The following ST3GAL3 variants were observed in gnomAD, a reference collection of about 807,000 sequenced individuals.
ST3GAL3 encodes the protein ST3 beta-galactoside alpha-2,3-sialyltransferase 3.
In ST3GAL3, 21 loss-of-function variants were observed where a neutral mutation model predicts 50.1. The ratio of observed to expected loss-of-function variants is 0.42; its 90% CI spans 0.30 to 0.60. ST3GAL3 has a LOEUF of 0.60. ST3GAL3 is among the 20% of genes least tolerant of loss of function. The pLI is 0.19. For synonymous variants in ST3GAL3, 183 were observed against 190.0 expected (o/e 0.96, Z 0.30); for missense variants, 353 against 489.4 (o/e 0.72, Z 2.63).
intron 5 of ST3GAL3, among the ~76,000 whole-genome samples, chr1:43,872,655 C>A (rs907040098): frequency 7.2e-5 from 11 of 152,126 alleles, no homozygotes; most frequent in Non-Finnish European, 4.4e-5. Context: ...GTACACTGCT[C>A]TTGTACTGGA....
intron 1 of ST3GAL3, among the ~76,000 whole-genome samples, chr1:43,726,132 A>C (rs1672812486): frequency 6.6e-6 from 1 of 152,146 alleles, no homozygotes; most frequent in Non-Finnish European, 1.5e-5. Context: ...TCTTATTTAC[A>C]AAAGAGTTGT....
At chr1:43,803,707 A>G (rs1238629568) in intron 3 of ST3GAL3, among the ~76,000 whole-genome samples, 1 of 152,248 alleles carries the variant, frequency 6.6e-6, no homozygotes. Flanking sequence ...ATCTTTTGCT[A>G]TGACATCTAG....
chr1:43,897,497 G>T (rs2154269357), intron 6 of ST3GAL3, among the ~76,000 whole-genome samples: 1 of 152,278 alleles, frequency 6.6e-6, no homozygotes, highest in East Asian at 1.9e-4. Context: ...ATATTATAGT[G>T]CTCTCATGAT....
chr1:43,770,700 G>A (rs1425213617), intron 2 of ST3GAL3, among the ~76,000 whole-genome samples: 2 of 152,116 alleles, frequency 1.3e-5, no homozygotes, highest in African/African-American at 4.8e-5. Flanking sequence ...TTGGATAGTT[G>A]TTGATTGACT....
chr1:43,738,630 C>T (rs11210911), intron 2 of ST3GAL3: 51,804 of 151,760 alleles, frequency 0.34, 9,841 homozygotes, highest in East Asian at 0.53. Flanking sequence ...TCGAAGTAGC[C>T]GGGACCACAG....
Position 43,918,119 on chromosome 1 carries a change from C to CTCTTTTTT in ST3GAL3, c.745-2284_745-2283insCTTTTTTT, listed in dbSNP as rs56052310. Among the ~76,000 whole-genome samples, 618 of 133,886 alleles carry CTCTTTTTT rather than the reference C, an allele frequency of 4.6e-3. 35 individuals carry two copies. Among genetic ancestry groups the CTCTTTTTT allele is most frequent in the South Asian group, 0.014 (63 of 4,464 alleles). 87.8% of individuals were successfully genotyped at this position (133,886 alleles called of 152,430 possible). A position where few individuals can be genotyped will look rare whatever the true frequency, so the allele number is the denominator to read the frequency against. On this transcript the variant is annotated intron_variant, in intron 9 of 11. Coordinates refer to ENST00000347631, the MANE Select transcript of ST3GAL3 (RefSeq NM_006279.5). ...TAGACATCTAAATTTTTTTCTTTCT[C>CTCTTTTTT]TTTTTTTTTTTTTTTAAGAGAGGGT... is the stretch of plus-strand genomic sequence containing the variant.
At chr1:43,863,156 T>C (rs2070436420) in intron 5 of ST3GAL3, among the ~76,000 whole-genome samples, 1 of 152,140 alleles carries the variant, frequency 6.6e-6, no homozygotes, top group South Asian at 2.1e-4. Flanking sequence ...GGGAAGTAAA[T>C]TGAAGTTGTA....
intron 1 of ST3GAL3, among the ~76,000 whole-genome samples, chr1:43,724,223 T>A (rs1671869612): frequency 1.3e-5 from 2 of 152,000 alleles, no homozygotes; most frequent in South Asian, 4.2e-4. Context: ...TATTTATTTA[T>A]TTTTTGAGAT....
chr1:43,731,611 A>G (rs1282663555), intron 1 of ST3GAL3, among the ~76,000 whole-genome samples: 1 of 140,278 alleles, frequency 7.1e-6, no homozygotes, highest in Non-Finnish European at 1.5e-5. Flanking sequence ...GTTAGCCAGG[A>G]TGGTCTCGAT....
chr1:43,745,267 T>C (rs983776389), intron 2 of ST3GAL3, among the ~76,000 whole-genome samples: 2 of 152,196 alleles, frequency 1.3e-5, no homozygotes, highest in African/African-American at 2.4e-5. Context: ...GTAAAAGATA[T>C]GTCAACACTT....
At chr1:43,870,694 G>GT in intron 5 of ST3GAL3, among the ~76,000 whole-genome samples, 1 of 152,182 alleles carries the variant, frequency 6.6e-6, no homozygotes, top group Non-Finnish European at 1.5e-5. Flanking sequence ...AGGACCTGTG[G>GT]TTTGTGCATG....
At chr1:43,778,108 T>G (rs1697976994) in intron 2 of ST3GAL3, among the ~76,000 whole-genome samples, 1 of 152,192 alleles carries the variant, frequency 6.6e-6, no homozygotes, top group South Asian at 2.1e-4. Flanking sequence ...TAAAAAGGAA[T>G]GAGATCATGT....
intron 3 of ST3GAL3, among the ~76,000 whole-genome samples, chr1:43,796,883 T>C (rs2058739551): frequency 6.6e-6 from 1 of 152,052 alleles, no homozygotes; most frequent in South Asian, 2.1e-4. Context: ...AACTAGAAAA[T>C]CTTTGCAAAA....
At chr1:43,827,154 C>T (rs746388093) in intron 4 of ST3GAL3, among the ~76,000 whole-genome samples, 1 of 152,102 alleles carries the variant, frequency 6.6e-6, no homozygotes, top group Non-Finnish European at 1.5e-5. Flanking sequence ...ACTGTGTTCA[C>T]AGATGACATG....
intron 3 of ST3GAL3, among the ~76,000 whole-genome samples, chr1:43,811,459 A>G (rs1442569135): frequency 4.6e-5 from 7 of 151,626 alleles, no homozygotes; most frequent in Admixed American, 1.3e-4. Context: ...TTCCCCCAGT[A>G]TGGGTAATGC....
intron 5 of ST3GAL3, among the ~76,000 whole-genome samples, chr1:43,864,761 C>T (rs2070875041): frequency 6.6e-6 from 1 of 152,052 alleles, no homozygotes; most frequent in South Asian, 2.1e-4. Flanking sequence ...GGAGAAATGA[C>T]AACATTAGGT....
intron 3 of ST3GAL3, among the ~76,000 whole-genome samples, chr1:43,807,206 C>T (rs546467841): frequency 6.6e-6 from 1 of 152,084 alleles, no homozygotes; most frequent in South Asian, 2.1e-4. Context: ...TACCTGAGGT[C>T]ACGAGTTCAA....
At chr1:43,863,987 CT>C (rs11357999) in intron 5 of ST3GAL3, among the ~76,000 whole-genome samples, 130,243 of 152,170 alleles carry the variant, frequency 0.86, 55,962 homozygotes, top group East Asian at 0.91. Flanking sequence ...AGATAAGAAA[CT>C]TGAGTGGGGG....
intron 5 of ST3GAL3, among the ~76,000 whole-genome samples, chr1:43,847,119 T>A (rs746628652): frequency 6.6e-6 from 1 of 152,232 alleles, no homozygotes; most frequent in Non-Finnish European, 1.5e-5. Context: ...TCCATTAGGA[T>A]ACTATGGCTA....
Sources: allele counts gnomAD v4.1 joint callset (sites outside exome capture counted in the v4.1 genomes callset), GRCh38; gene constraint gnomAD v4.1.1; transcripts MANE v1.5; gene names NCBI Gene and HGNC (gene_info 2026-07-23, HGNC 2026-07-21).